The following CDH13 variants were observed in gnomAD, a reference collection of about 807,000 sequenced individuals.
CDH13 encodes cadherin-13.
Under a neutral mutation model 63.8 loss-of-function variants are expected in CDH13, and 24 were observed. That is an observed-to-expected ratio of 0.38 (90% CI 0.27 to 0.53). The LOEUF (loss-of-function observed/expected upper bound fraction) is 0.53. Ranked by LOEUF, CDH13 falls within the 20% of genes least tolerant of loss-of-function variation. The pLI is 0.85. For synonymous variants in CDH13, 503 were observed against 355.3 expected (o/e 1.42, Z -4.67); for missense variants, 1,049 against 903.1 (o/e 1.16, Z -2.07).
intron 11 of CDH13, among the ~76,000 whole-genome samples, chr16:83,761,037 C>G (rs1237873807): frequency 6.6e-6 from 1 of 152,208 alleles, no homozygotes; most frequent in Non-Finnish European, 1.5e-5. Context: ...CCATCGTTAA[C>G]TTGCTACACA....
chr16:83,331,531 C>G (rs1431697411), intron 5 of CDH13, among the ~76,000 whole-genome samples: 1 of 152,138 alleles, frequency 6.6e-6, no homozygotes, highest in Non-Finnish European at 1.5e-5. Context: ...TAGTCACTGC[C>G]TGAACAAGTT....
chr16:83,211,621 T>G (rs531968023), intron 4 of CDH13, among the ~76,000 whole-genome samples: 1 of 152,058 alleles, frequency 6.6e-6, no homozygotes, highest in Non-Finnish European at 1.5e-5. Context: ...GTCCATATTG[T>G]GTCACATCTG....
intron 3 of CDH13, among the ~76,000 whole-genome samples, chr16:83,071,089 T>C (rs1276478917): frequency 1.3e-5 from 2 of 152,124 alleles, no homozygotes; most frequent in African/African-American, 4.8e-5. Flanking sequence ...CCATGCCTCT[T>C]ACTGTGATTT....
intron 2 of CDH13, among the ~76,000 whole-genome samples, chr16:82,863,496 G>A (rs1049542451): frequency 6.6e-6 from 1 of 152,254 alleles, no homozygotes; most frequent in East Asian, 1.9e-4. Context: ...TCATCTATTA[G>A]CTCTGTGGCC....
In CDH13 at chr16:82,826,511, T is replaced by C. The variant is rs149554605; in HGVS notation, c.46-31851T>C. On this transcript the variant is annotated intron_variant, in intron 1 of 13. Coordinates refer to ENST00000567109, the MANE Select transcript of CDH13 (RefSeq NM_001257.5). ...CTGTACATGATCAGAATCCTAATCA[T>C]TATTAAAATAGGTGTTTCTATTATA... is the stretch of plus-strand genomic sequence containing the variant. 638 of 152,298 alleles carry C rather than the reference T, an allele frequency of 4.2e-3. 7 individuals carry two copies. Among genetic ancestry groups the C allele is most frequent in the African/African-American group, 0.014 (597 of 41,554 alleles). 9.4% of individuals were successfully genotyped at this position (152,298 alleles called of 1,614,324 possible). A position where few individuals can be genotyped will look rare whatever the true frequency, so the allele number is the denominator to read the frequency against.
At chr16:83,362,908 G>A (rs1019876613) in intron 6 of CDH13, among the ~76,000 whole-genome samples, 1 of 152,198 alleles carries the variant, frequency 6.6e-6, no homozygotes, top group African/African-American at 2.4e-5. Flanking sequence ...CTGTGGTGGG[G>A]TTTCAGCTGG....
At chr16:82,929,150 AC>A (rs2042397181) in intron 2 of CDH13, among the ~76,000 whole-genome samples, 1 of 152,180 alleles carries the variant, frequency 6.6e-6, no homozygotes, top group Admixed American at 6.5e-5. Context: ...TTAATTGTTC[AC>A]TAAAGTATAG....
chr16:82,954,214 G>C (rs533287908), intron 2 of CDH13: 1 of 152,216 alleles, frequency 6.6e-6, no homozygotes, highest in Non-Finnish European at 1.5e-5. Context: ...CACACAATCA[G>C]TGAGGAAGCT....
chr16:83,789,660 A>G (rs116003449), intron 13 of CDH13, among the ~76,000 whole-genome samples: 1 of 151,870 alleles, frequency 6.6e-6, no homozygotes, highest in Non-Finnish European at 1.5e-5. Context: ...GAAATTAGCT[A>G]TTAAAGTACA....
intron 2 of CDH13, among the ~76,000 whole-genome samples, chr16:83,006,932 G>GGTT (rs1555560585): frequency 8.2e-6 from 1 of 121,690 alleles, no homozygotes; most frequent in Non-Finnish European, 1.8e-5. Context: ...TTGTTTGTTT[G>GGTT]TTTTTTTTGA....
At chr16:82,755,536 T>G (rs139295132) in intron 1 of CDH13, among the ~76,000 whole-genome samples, 1 of 152,374 alleles carries the variant, frequency 6.6e-6, no homozygotes, top group East Asian at 1.9e-4. Context: ...TTTTCTGAAA[T>G]GTTTTAAAAC....
intron 2 of CDH13, among the ~76,000 whole-genome samples, chr16:82,901,787 A>C (rs1007046836): frequency 2.0e-5 from 3 of 152,196 alleles, no homozygotes; most frequent in African/African-American, 7.2e-5. Context: ...ATGTAACTCA[A>C]AACAAAAGAC....
intron 1 of CDH13, among the ~76,000 whole-genome samples, chr16:82,731,398 T>C (rs2033395691): frequency 6.6e-6 from 1 of 152,186 alleles, no homozygotes; most frequent in South Asian, 2.1e-4. Flanking sequence ...ACAAAAGTGA[T>C]AGAGAAAACA....
chr16:83,682,982 T>G (rs148515466), intron 10 of CDH13, among the ~76,000 whole-genome samples: 35 of 152,332 alleles, frequency 2.3e-4, no homozygotes, highest in African/African-American at 7.5e-4. Flanking sequence ...GTCCAACTCC[T>G]GGGCCACGTC....
intron 5 of CDH13, among the ~76,000 whole-genome samples, chr16:83,268,859 T>C (rs1430806007): frequency 6.6e-6 from 1 of 152,168 alleles, no homozygotes; most frequent in African/African-American, 2.4e-5. Context: ...TCTGCTCACC[T>C]ACCCAGTTCT....
chr16:82,920,325 G>A (rs772384114), intron 2 of CDH13, among the ~76,000 whole-genome samples: 7 of 152,186 alleles, frequency 4.6e-5, no homozygotes, highest in Non-Finnish European at 8.8e-5. Flanking sequence ...AGCAGCTCCA[G>A]GCTCACATCC....
intron 3 of CDH13, among the ~76,000 whole-genome samples, chr16:83,088,703 T>G (rs950924424): frequency 1.2e-4 from 19 of 152,244 alleles, no homozygotes; most frequent in African/African-American, 4.6e-4. Context: ...TCAACATGTT[T>G]AAAGCTGTTT....
At chr16:83,021,615 T>C (rs946169252) in intron 2 of CDH13, among the ~76,000 whole-genome samples, 3 of 152,366 alleles carry the variant, frequency 2.0e-5, no homozygotes, top group Admixed American at 1.3e-4. Flanking sequence ...TCATTCATTA[T>C]GATATCTTCT....
intron 5 of CDH13, among the ~76,000 whole-genome samples, chr16:83,336,838 T>G (rs2090608988): frequency 6.6e-6 from 1 of 152,228 alleles, no homozygotes; most frequent in Non-Finnish European, 1.5e-5. Context: ...GCTTGGGTCA[T>G]CTCATATTAC....
Sources: gnomAD v4.1 joint callset for allele counts (sites outside exome capture counted in the v4.1 genomes callset) on GRCh38, gnomAD v4.1.1 for gene constraint, MANE v1.5 for transcripts, NCBI Gene and HGNC (gene_info 2026-07-23, HGNC 2026-07-21) for gene names.